The following RANBP2 variants were observed in gnomAD, a reference collection of about 807,000 sequenced individuals.
RANBP2 encodes RAN binding protein 2.
Under a neutral mutation model 303.6 loss-of-function variants are expected in RANBP2, and 57 were observed. That is an observed-to-expected ratio of 0.19 (90% CI 0.15 to 0.23). The LOEUF (loss-of-function observed/expected upper bound fraction) is 0.23. Among genes scored for constraint, RANBP2 ranks in the 10% least tolerant of loss-of-function variants. The pLI is 1.00. For synonymous variants in RANBP2, 1,167 were observed against 1,301.5 expected, an observed-to-expected ratio of 0.90 and a Z score of 2.23; for missense variants, 3,138 against 3,780.8, an observed-to-expected ratio of 0.83 and a Z score of 4.46.
chr2:109,450,177 C>T, the RANBP2 span, among the ~76,000 whole-genome samples: 1 of 152,044 alleles, frequency 6.6e-6, no homozygotes, highest in East Asian at 1.9e-4. Context: ...AAAACCCCAT[C>T]TCTACTAAAA....
chr2:109,404,870 C>T, the RANBP2 span, among the ~76,000 whole-genome samples: 1 of 152,158 alleles, frequency 6.6e-6, no homozygotes, highest in Non-Finnish European at 1.5e-5. Context: ...ATCTTGACCT[C>T]TTGGCAGCAC....
the RANBP2 span, among the ~76,000 whole-genome samples, chr2:109,011,239 A>G: frequency 6.6e-6 from 1 of 152,210 alleles, no homozygotes; most frequent in East Asian, 1.9e-4. Flanking sequence ...TTCAGGAACA[A>G]TTACAGAACA....
chr2:108,813,834 T>C, the RANBP2 span, among the ~76,000 whole-genome samples: 1 of 152,222 alleles, frequency 6.6e-6, no homozygotes, highest in Non-Finnish European at 1.5e-5. Context: ...TAGTTTTGCC[T>C]GTTTGAGACA....
chr2:109,187,361 C>CTT, the RANBP2 span, among the ~76,000 whole-genome samples: 120,112 of 150,288 alleles, frequency 0.8, 48,002 homozygotes, highest in South Asian at 0.86. Flanking sequence ...CAACCACAGA[C>CTT]TTTTTTTTTT....
the RANBP2 span, among the ~76,000 whole-genome samples, chr2:109,151,941 C>A: frequency 1.3e-5 from 2 of 152,210 alleles, no homozygotes; most frequent in Non-Finnish European, 2.9e-5. Context: ...GCCTGGAGGG[C>A]TTATAAAATG....
chr2:109,273,083 A>T, the RANBP2 span, among the ~76,000 whole-genome samples: 7 of 152,370 alleles, frequency 4.6e-5, no homozygotes, highest in East Asian at 1.3e-3. Flanking sequence ...TTTACTGAGT[A>T]TTTCGGGTTG....
At chr2:109,714,011 C>T in the RANBP2 span, among the ~76,000 whole-genome samples, 1 of 152,358 alleles carries the variant, frequency 6.6e-6, no homozygotes, top group East Asian at 1.9e-4. Flanking sequence ...AGGGCTCAGG[C>T]CCGTAGGACT....
chr2:108,731,631 C>T (rs1443306785), intron 4 of RANBP2, 157 bp downstream of exon 4: 35 of 1,390,708 alleles, frequency 2.5e-5, no homozygotes, highest in Non-Finnish European at 3.2e-5. Context: ...TTCTGAGCAT[C>T]TACTGTCTTA....
the RANBP2 span, among the ~76,000 whole-genome samples, chr2:108,996,044 T>C: frequency 6.6e-6 from 1 of 152,268 alleles, no homozygotes; most frequent in East Asian, 1.9e-4. Flanking sequence ...GAAAGTCTGC[T>C]TTATGGCAAT....
At chr2:108,719,986 C>G (rs1344117733) in intron 1 of RANBP2, 1 of 985,236 alleles carries the variant, frequency 1.0e-6, no homozygotes, top group Non-Finnish European at 1.2e-6. Flanking sequence ...ATCGCGCACC[C>G]CGTAGTACCC....
At chr2:108,980,524 A>G in the RANBP2 span, among the ~76,000 whole-genome samples, 1 of 152,204 alleles carries the variant, frequency 6.6e-6, no homozygotes, top group Non-Finnish European at 1.5e-5. Context: ...GTATATATTT[A>G]CATATATATA....
chr2:109,774,505 T>TATATATTATATATAAA, the RANBP2 span, among the ~76,000 whole-genome samples: 8 of 32,070 alleles, frequency 2.5e-4, 2 homozygotes, highest in South Asian at 8.6e-3. Context: ...CAAACATATA[T>TATATATTATATATAAA]ATATATATAA....
At chr2:109,128,963 C>T in the RANBP2 span, 105 of 420,006 alleles carry the variant, frequency 2.5e-4, 1 homozygote, top group Middle Eastern at 1.7e-3. Context: ...GTGACCGTGA[C>T]CTCCGCGCGC....
the RANBP2 span, among the ~76,000 whole-genome samples, chr2:109,354,762 C>T: frequency 2.6e-5 from 4 of 152,330 alleles, no homozygotes; most frequent in African/African-American, 7.2e-5. Context: ...TTCACAAAGG[C>T]GCATCTGTGT....
At chr2:109,070,214 AG>A in the RANBP2 span, among the ~76,000 whole-genome samples, 1 of 152,298 alleles carries the variant, frequency 6.6e-6, no homozygotes, top group East Asian at 1.9e-4. Flanking sequence ...AAGGGCCAGG[AG>A]GGGCTGGACC....
At position 108,746,219 on chromosome 2, in the gene RANBP2, T is replaced by A. The variant is rs1194482758; in HGVS notation, c.976-492T>A. 2.1e-5 allele frequency among the ~76,000 whole-genome samples: 3 copies of A among 144,934 alleles called. No homozygotes were observed. In the East Asian group the frequency reaches 6.0e-4, roughly 29 times the overall value. On this transcript the variant is annotated intron_variant, in intron 7 of 28. Transcript: ENST00000283195. Reference sequence around the variant, plus strand: ...CACCATGTCTGGCCCTTTTTTTTTTTTTTTTTTTTTTGCGATGGAGCCTCG... The same window carrying A: ...CACCATGTCTGGCCCTTTTTTTTTTATTTTTTTTTTTGCGATGGAGCCTCG...
chr2:109,294,261 C>G, the RANBP2 span, among the ~76,000 whole-genome samples: 1 of 152,054 alleles, frequency 6.6e-6, no homozygotes, highest in African/African-American at 2.4e-5. Context: ...CAGTGTCCTG[C>G]CTGTATAAAG....
chr2:108,974,249 G>A, the RANBP2 span, among the ~76,000 whole-genome samples: 2 of 137,676 alleles, frequency 1.5e-5, no homozygotes, highest in East Asian at 2.2e-4. Flanking sequence ...AGAATGGCAT[G>A]AACCCGGGAG....
chr2:109,357,836 C>T, the RANBP2 span, among the ~76,000 whole-genome samples: 3 of 152,204 alleles, frequency 2.0e-5, no homozygotes, highest in African/African-American at 4.8e-5. Flanking sequence ...TAAACCTCTG[C>T]CCCTACATGC....
Sources: gnomAD v4.1 joint callset for allele counts (sites outside exome capture counted in the v4.1 genomes callset) on GRCh38, gnomAD v4.1.1 for gene constraint, MANE v1.5 for transcripts, NCBI Gene and HGNC (gene_info 2026-07-23, HGNC 2026-07-21) for gene names.